CCSER1: variants seen among roughly 807,000 people sequenced by gnomAD.
CCSER1 encodes the protein serine-rich coiled-coil domain-containing protein 1.
A neutral mutation model predicts 82.0 loss-of-function variants in CCSER1; 41 were observed. That is an observed-to-expected ratio of 0.50 (90% CI 0.39 to 0.65). CCSER1 has a LOEUF of 0.65. CCSER1 is among the 30% of genes least tolerant of loss of function. CCSER1 has a pLI of 0.00. For missense variants in CCSER1, 1,119 were observed against 1,064.2 expected (o/e 1.05, Z -0.72); for synonymous variants, 414 against 383.9 (o/e 1.08, Z -0.92).
At chr4:91,419,929 C>A (rs927962520) in intron 10 of CCSER1, among the ~76,000 whole-genome samples, 1 of 151,960 alleles carries the variant, frequency 6.6e-6, no homozygotes, top group Non-Finnish European at 1.5e-5. Flanking sequence ...TTGACAAGAG[C>A]ACCAAGAATA....
chr4:91,512,598 C>T (rs1288214934), intron 10 of CCSER1, among the ~76,000 whole-genome samples: 1 of 152,164 alleles, frequency 6.6e-6, no homozygotes, highest in Non-Finnish European at 1.5e-5. Flanking sequence ...ACTTGACAAA[C>T]TTAATAAACT....
At chr4:90,253,938 C>G (rs555681907) in intron 1 of CCSER1, among the ~76,000 whole-genome samples, 1 of 152,224 alleles carries the variant, frequency 6.6e-6, no homozygotes, top group East Asian at 1.9e-4. Context: ...TTGACAATAC[C>G]TAGTGCATAG....
intron 7 of CCSER1, among the ~76,000 whole-genome samples, chr4:90,777,596 T>TG (rs1753098159): frequency 6.6e-6 from 1 of 152,138 alleles, no homozygotes; most frequent in Non-Finnish European, 1.5e-5. Flanking sequence ...TGTGTGACTT[T>TG]GAAAAATGTA....
chr4:90,406,407 A>G (rs1404553561), intron 4 of CCSER1, among the ~76,000 whole-genome samples: 1 of 152,152 alleles, frequency 6.6e-6, no homozygotes, highest in Non-Finnish European at 1.5e-5. Flanking sequence ...CAACACAATA[A>G]TGGTGGGGGA....
At chr4:91,163,879 A>G (rs973613915) in intron 10 of CCSER1, among the ~76,000 whole-genome samples, 23 of 151,998 alleles carry the variant, frequency 1.5e-4, no homozygotes, top group Admixed American at 3.3e-4. Context: ...TCTTGACTCT[A>G]TCCAATTTGG....
chr4:91,529,287 T>C (rs1243362783), intron 10 of CCSER1, among the ~76,000 whole-genome samples: 1 of 152,120 alleles, frequency 6.6e-6, no homozygotes, highest in Non-Finnish European at 1.5e-5. Flanking sequence ...ATTTTTTGTT[T>C]GCTTGTTTTT....
At chr4:91,512,164 T>A (rs1010070462) in intron 10 of CCSER1, among the ~76,000 whole-genome samples, 2 of 152,214 alleles carry the variant, frequency 1.3e-5, no homozygotes, top group African/African-American at 4.8e-5. Context: ...TGTACCGTTT[T>A]TGGGTGTGTC....
At position 91,054,248 on chromosome 4, in the gene CCSER1, C is replaced by T. The variant is rs74568369; in HGVS notation, c.2173-31702C>T. On this transcript the variant is annotated intron_variant, in intron 9 of 10. Coordinates refer to ENST00000509176, the MANE Select transcript of CCSER1 (RefSeq NM_001145065.2). ...GGGTGAGGTGAGGGAGCACCCTAGA[C>T]CCAGGCCAGGCACCAATTTAATCTC... Among the ~76,000 whole-genome samples the T allele has an allele frequency of 1.4e-3, 207 of 152,234 alleles. 1 individual carries two copies. The East Asian group carries it at 0.026, about 19-fold the overall frequency.
At chr4:91,141,390 G>A (rs1303642535) in intron 10 of CCSER1, among the ~76,000 whole-genome samples, 1 of 152,160 alleles carries the variant, frequency 6.6e-6, no homozygotes, top group African/African-American at 2.4e-5. Context: ...GACCTCAGGT[G>A]ATCTGCCCGC....
At chr4:90,857,247 G>A (rs1264871400) in intron 8 of CCSER1, among the ~76,000 whole-genome samples, 1 of 152,078 alleles carries the variant, frequency 6.6e-6, no homozygotes, top group African/African-American at 2.4e-5. Flanking sequence ...CTCAGGACTT[G>A]ACTGGGGAAT....
At chr4:90,909,911 T>G (rs1280577309) in intron 8 of CCSER1, among the ~76,000 whole-genome samples, 1 of 152,198 alleles carries the variant, frequency 6.6e-6, no homozygotes, top group Non-Finnish European at 1.5e-5. Context: ...TCAACTCACA[T>G]TGTATTAGTT....
At chr4:91,292,883 G>A (rs1281165471) in intron 10 of CCSER1, among the ~76,000 whole-genome samples, 12 of 151,858 alleles carry the variant, frequency 7.9e-5, no homozygotes, top group Admixed American at 7.9e-4. Flanking sequence ...TGCTCCATAT[G>A]TACCCCTCTC....
chr4:91,162,527 C>T (rs1180215687), intron 10 of CCSER1, among the ~76,000 whole-genome samples: 1 of 152,136 alleles, frequency 6.6e-6, no homozygotes, highest in Non-Finnish European at 1.5e-5. Context: ...CCTTGTACCT[C>T]TGGTAGAATT....
At chr4:90,642,818 G>A (rs966655143) in intron 6 of CCSER1, among the ~76,000 whole-genome samples, 1 of 151,996 alleles carries the variant, frequency 6.6e-6, no homozygotes, top group Non-Finnish European at 1.5e-5. Context: ...TTGTGCCATT[G>A]CACCCCAGCC....
intron 8 of CCSER1, among the ~76,000 whole-genome samples, chr4:90,881,084 A>C (rs1261973941): frequency 2.6e-5 from 4 of 152,068 alleles, no homozygotes; most frequent in African/African-American, 9.7e-5. Context: ...TTTAGTAAAC[A>C]TAAGTATGAT....
chr4:90,419,417 A>G (rs892478694), intron 4 of CCSER1, among the ~76,000 whole-genome samples: 1 of 151,970 alleles, frequency 6.6e-6, no homozygotes, highest in African/African-American at 2.4e-5. Flanking sequence ...ACACTCTGAA[A>G]TAGATGTTAA....
intron 10 of CCSER1, among the ~76,000 whole-genome samples, chr4:91,579,480 A>G (rs7654717): frequency 0.069 from 10,504 of 151,822 alleles, 401 homozygotes; most frequent in Middle Eastern, 0.099. Context: ...ACCAATAGCA[A>G]AATTTAACTG....
intron 5 of CCSER1, among the ~76,000 whole-genome samples, chr4:90,564,506 T>G (rs1310693478): frequency 6.6e-6 from 1 of 152,206 alleles, no homozygotes; most frequent in Non-Finnish European, 1.5e-5. Flanking sequence ...TTTCCTTTAC[T>G]GGGCAGAAGT....
chr4:90,343,046 C>A (rs1435214989), intron 3 of CCSER1, among the ~76,000 whole-genome samples: 1 of 151,876 alleles, frequency 6.6e-6, no homozygotes, highest in Non-Finnish European at 1.5e-5. Context: ...AACTTCAATT[C>A]TCAATTGATG....
Sources: gnomAD v4.1 joint callset for allele counts (sites outside exome capture counted in the v4.1 genomes callset) on GRCh38, gnomAD v4.1.1 for gene constraint, MANE v1.5 for transcripts, NCBI Gene and HGNC (gene_info 2026-07-23, HGNC 2026-07-21) for gene names.